Variants in PLA2G4B observed in about 807,000 individuals in gnomAD.
PLA2G4B encodes the protein phospholipase A2 group IVB, also known as cytosolic phospholipase A2 beta.
A neutral mutation model predicts 95.8 loss-of-function variants in PLA2G4B; 122 were observed. The ratio of observed to expected loss-of-function variants is 1.27; its 90% confidence interval spans 1.10 to 1.48. The LOEUF is 1.48. PLA2G4B is among the 40% of genes most tolerant of loss of function. The pLI, the probability that PLA2G4B is intolerant of heterozygous loss-of-function variation, is 0.00. For missense variants in PLA2G4B, 1,158 were observed against 996.2 expected, an observed-to-expected ratio of 1.16 and a Z score of -2.19; for synonymous variants, 518 against 421.5, an observed-to-expected ratio of 1.23 and a Z score of -2.80.
In PLA2G4B at chr15:41,846,675, C is replaced by A; in HGVS notation, c.1787C>A (p.Thr596Asn). 2 of 1,609,632 alleles carry A rather than the reference C, an allele frequency of 1.2e-6. No homozygotes were observed. Among genetic ancestry groups the A allele is most frequent in the Non-Finnish European group, 1.7e-6 (2 of 1,176,998 alleles). ...GCTCTCCCCAACCTTCCAGCTACCA[C>A]TCTGGATGGGCTCCCCAACCAGCTG... ...HPHFSTWKAT[T>N]LDGLPNQLTP... Residue 596 changes from threonine (T) to asparagine (N), a missense_variant, in exon 18 of 20, where the codon ACT becomes AAT. By Grantham distance (65) the Thr-to-Asn change is moderately conservative. Transcript: ENST00000458483.
At chr15:41,843,910 T>TTTTTTAATGATA in intron 11 of PLA2G4B, 99 bp downstream of exon 11, 1 of 1,499,126 alleles carries the variant, frequency 6.7e-7, no homozygotes. Context: ...AGACCAGAGC[T>TTTTTTAATGATA]CGTAGCTGCC....
chr15:41,841,793 C>T (rs2065436118), intron 7 of PLA2G4B, 26 bp from the exon 8 acceptor site: 2 of 1,609,682 alleles, frequency 1.2e-6, no homozygotes, highest in East Asian at 4.5e-5. Context: ...CGTCCCCAGC[C>T]TCTCTGCTCT....
Position 41,840,171 on chromosome 15 carries a change from G to C in PLA2G4B, c.23G>C (p.Arg8Thr). Residue 8 changes from arginine to threonine, a missense_variant, in exon 2 of 20, where the codon AGG becomes ACG. Arg to Thr is a moderately conservative substitution (Grantham distance 71). Transcript: ENST00000458483. ...CCACCTCTGCAGGCAGAGGTGTCCA[G>C]GACCTGCCTGCTCACGGTTCGTGTC... Reference protein sequence around the residue: MAVAEVSRTCLLTVRVLQ... With the variant: MAVAEVSTTCLLTVRVLQ... 1 of 1,613,204 alleles carries C rather than the reference G, an allele frequency of 6.2e-7. No homozygotes were observed. The highest frequency in any genetic ancestry group is 2.2e-5 in the East Asian group (1 of 44,866).
At chr15:41,843,081 C>CT (rs11415282) in intron 10 of PLA2G4B, 18,358 of 131,194 alleles carry the variant, frequency 0.14, 2,065 homozygotes, top group East Asian at 0.64. Context: ...GCCCCCTGCC[C>CT]TTTTTTTTTT....
In PLA2G4B at chr15:41,841,258, CA is replaced by C; in HGVS notation, c.422del (p.Asn141MetfsTer62). 6.2e-7 allele frequency: 1 copy of C among 1,613,132 alleles called. No homozygotes were observed. ...CTGACCGTGGCGAGTGGCTCGTCAG[CA>C]ATGGCGTTCTGGTGGTGAGTGTGCC... ...LADRGEWLVS[N>X]GVLVARELSC... On this transcript the variant is annotated frameshift_variant, in exon 6 of 20. Transcript: ENST00000458483. LOFTEE classifies it high-confidence loss of function.
chr15:41,844,955 C>T lies in PLA2G4B; in HGVS notation c.1124C>T (p.Ala375Val), dbSNP rs1408642260. 6.2e-7 allele frequency: 1 copy of T among 1,611,734 alleles called. No individual in the cohort carries two copies. The highest frequency in any genetic ancestry group is 1.7e-5 in the Admixed American group (1 of 59,732). The change falls in exon 13 of 20, where the codon GCC becomes GTC. Residue 375 changes from alanine to valine, a missense_variant. Transcript: ENST00000458483. The stretch of plus-strand genomic sequence containing the variant: ...ACCAAGAACAAGCTGGGTGTGCTGG[C>T]CCCCAGCCAGCTGCAGCGGTACCGG... ...QVTKNKLGVL[A>V]PSQLQRYRQE... is the part of the protein sequence containing the mutation.
chr15:41,847,200 C>G, intron 18 of PLA2G4B, 137 bp from the exon 19 acceptor site: 1 of 1,369,036 alleles, frequency 7.3e-7, no homozygotes, highest in Non-Finnish European at 9.7e-7. Flanking sequence ...GAGTTTTTTT[C>G]CAACGACTGG....
Position 41,843,726 on chromosome 15 carries a change from A to G in PLA2G4B, c.794A>G (p.Gln265Arg), listed in dbSNP as rs1414777418. The G allele has an allele frequency of 6.2e-7, 1 of 1,614,080 alleles. No homozygotes were observed. ...GGCTTCGGGCCCTGTGCAGAGGAGC[A>G]GGCCTTCCTGAGCAGGAGGAAGCAG... The part of the protein sequence containing the change: ...RLGFGPCAEE[Q>R]AFLSRRKQVV... Residue 265 changes from glutamine (Q) to arginine (R), a missense_variant, in exon 11 of 20, where the codon CAG becomes CGG. Coordinates refer to ENST00000458483, the MANE Select transcript of PLA2G4B (RefSeq NM_001114633.2).
intron 1 of PLA2G4B, chr15:41,839,851 G>C (rs1490699304): frequency 2.9e-6 from 1 of 341,054 alleles, no homozygotes; most frequent in Non-Finnish European, 5.4e-6. Context: ...CTGCTTCTCT[G>C]TGCCTCAGTT....
rs2065526101 is a variant in PLA2G4B at position 41,845,643 on chromosome 15, T to G, written c.1363T>G (p.Cys455Gly). 6.8e-6 allele frequency: 11 copies of G among 1,614,046 alleles called. No homozygotes were observed. Among genetic ancestry groups the G allele is most frequent in the Middle Eastern group, 3.3e-4 (2 of 6,056 alleles). The change falls in exon 15 of 20, where the codon TGC (cysteine) becomes GGC (glycine). Residue 455 changes from cysteine (C) to glycine (G), a missense_variant. Transcript: ENST00000458483. ...GAGGCGTGGACTCCTCACAGAGTGGTGCGAGTTCTCTCCCTACGAGGTCGG... is the reference window on the plus strand; with the variant it reads ...GAGGCGTGGACTCCTCACAGAGTGGGGCGAGTTCTCTCCCTACGAGGTCGG... ...SLTTFEFGEWCEFSPYEVGFP... is the reference protein window; with the variant it reads ...SLTTFEFGEWGEFSPYEVGFP...
intron 1 of PLA2G4B, chr15:41,839,123 C>T (rs2065378451): frequency 2.2e-6 from 1 of 454,296 alleles, no homozygotes; most frequent in Non-Finnish European, 4.0e-6. Context: ...GTTTTCTGTC[C>T]TGGGAACGGG....
chr15:41,841,643 TCTC>T, intron 7 of PLA2G4B, 72 bp downstream of exon 7: 2 of 1,602,614 alleles, frequency 1.2e-6, no homozygotes, highest in Non-Finnish European at 1.7e-6. Context: ...ATTGGACAAT[TCTC>T]CTTGGGGCCT....
At position 41,840,152 on chromosome 15, in the gene PLA2G4B, C is replaced by G. The variant is rs777837634; in HGVS notation, c.10-6C>G. ...GTAGCAGGTCTCCCCTCTCCCACCT[C>G]TGCAGGCAGAGGTGTCCAGGACCTG... is the stretch of plus-strand genomic sequence containing the variant. On this transcript the variant is annotated splice_polypyrimidine_tract_variant and splice_region_variant and intron_variant, in intron 1 of 19. Transcript: ENST00000458483. The G allele has an allele frequency of 6.2e-7, 1 of 1,612,958 alleles. No homozygotes were observed.
chr15:41,844,099 G>A (rs1241185785), intron 11 of PLA2G4B, among the ~76,000 whole-genome samples: 1 of 152,230 alleles, frequency 6.6e-6, no homozygotes, highest in Non-Finnish European at 1.5e-5. Context: ...TATGAGGCCT[G>A]TTGGCCCAGG....
chr15:41,841,418 G>A, intron 6 of PLA2G4B, 99 bp from the exon 7 acceptor site: 1 of 1,609,240 alleles, frequency 6.2e-7, no homozygotes, highest in Non-Finnish European at 8.5e-7. Context: ...AAGGGCCCAG[G>A]TAATGAAGTG....
Position 41,846,592 on chromosome 15 carries a change from G to T in PLA2G4B, c.1781-77G>T. The T allele has an allele frequency of 2.6e-6, 4 of 1,540,632 alleles. No homozygotes were observed. The Admixed American group carries it at 5.6e-5, about 22-fold the overall frequency. ...GTTCAGCAGGAGAGCAGGGACCAGA[G>T]GCCAGAGTCTCTCCTTCCAGCAGGA... On this transcript the variant is annotated intron_variant, in intron 17 of 19. Transcript: ENST00000458483.
Position 41,847,639 on chromosome 15 carries a change from C to T in PLA2G4B, c.2135-10C>T, listed in dbSNP as rs369305686. On this transcript the variant is annotated splice_polypyrimidine_tract_variant and intron_variant, in intron 19 of 19. Transcript: ENST00000458483. ...CGTGTTCCCCATGCCAGGCTGCACT[C>T]TCTCCACAGGGGTCCGGCGGACACC... 2 of 1,613,504 alleles carry T rather than the reference C, an allele frequency of 1.2e-6. No homozygotes were observed. The highest frequency in any genetic ancestry group is 1.3e-5 in the African/African-American group (1 of 74,948).
At chr15:41,844,351 G>T in intron 11 of PLA2G4B, 120 bp from the exon 12 acceptor site, 1 of 1,520,420 alleles carries the variant, frequency 6.6e-7, no homozygotes, top group Non-Finnish European at 8.9e-7. Flanking sequence ...CTGGTCCCAA[G>T]ACCTGTGATC....
rs767272426 is a variant in PLA2G4B at position 41,846,729 on chromosome 15, T to C, written c.1841T>C (p.Leu614Pro). 6.2e-7 allele frequency: 1 copy of C among 1,613,986 alleles called. No homozygotes were observed. Among genetic ancestry groups the C allele is most frequent in the African/African-American group, 1.3e-5 (1 of 75,060 alleles). Residue 614 changes from leucine (L) to proline (P), a missense_variant, in exon 18 of 20, where the codon CTG becomes CCG. Coordinates refer to ENST00000458483, the MANE Select transcript of PLA2G4B (RefSeq NM_001114633.2). ...LTPSEPHLCL[L>P]DVGYLINTSC... ...CCCTCGGAGCCCCACCTGTGCCTGC[T>C]GGATGTTGGCTACCTCATCAATACC...
Sources: allele counts gnomAD v4.1 joint callset (sites outside exome capture counted in the v4.1 genomes callset), GRCh38; gene constraint gnomAD v4.1.1; transcripts MANE v1.5; gene names NCBI Gene and HGNC (gene_info 2026-07-23, HGNC 2026-07-21).